Variants in PRKN observed in about 807,000 individuals in gnomAD.
PRKN encodes the protein parkin RBR E3 ubiquitin protein ligase.
Under a neutral mutation model 59.5 loss-of-function variants are expected in PRKN, and 56 were observed. That is an observed-to-expected ratio of 0.94 (90% CI 0.76 to 1.18). PRKN has a LOEUF of 1.18. Ranked by LOEUF, PRKN falls within the 50% of genes most tolerant of loss-of-function variation. The pLI is 0.00. For synonymous variants in PRKN, 250 were observed against 222.1 expected (o/e 1.13, Z -1.12); for missense variants, 657 against 596.4 (o/e 1.10, Z -1.06).
At chr6:162,050,115 T>C (rs980507319) in intron 5 of PRKN, among the ~76,000 whole-genome samples, 2 of 152,216 alleles carry the variant, frequency 1.3e-5, no homozygotes, top group Non-Finnish European at 2.9e-5. Flanking sequence ...ATGCTGAACA[T>C]ATTTTTCCTC....
At chr6:162,584,753 T>C (rs933057675) in intron 1 of PRKN, among the ~76,000 whole-genome samples, 5 of 143,962 alleles carry the variant, frequency 3.5e-5, no homozygotes, top group Non-Finnish European at 7.4e-5. Flanking sequence ...TGGGTTTCTT[T>C]CTTTTCTTTC....
At chr6:162,481,925 T>C (rs1479807249) in intron 1 of PRKN, among the ~76,000 whole-genome samples, 1 of 152,178 alleles carries the variant, frequency 6.6e-6, no homozygotes, top group African/African-American at 2.4e-5. Context: ...ACTGAAATTA[T>C]TATAACATTT....
intron 7 of PRKN, among the ~76,000 whole-genome samples, chr6:161,608,529 C>T (rs1782368910): frequency 6.6e-6 from 1 of 151,500 alleles, no homozygotes; most frequent in Admixed American, 6.6e-5. Context: ...GATAGTCATA[C>T]TATATTTAAT....
chr6:162,235,914 G>GA (rs1778644522), intron 3 of PRKN, among the ~76,000 whole-genome samples: 2 of 115,294 alleles, frequency 1.7e-5, no homozygotes, highest in Non-Finnish European at 3.7e-5. Context: ...AGGAAGGAAG[G>GA]AAGGAAGGAA....
chr6:161,371,913 A>G lies in PRKN; in HGVS notation c.1168-11708T>C, dbSNP rs1785458943. Reference sequence around the variant, plus strand: ...CTCGGCCTCCCAAAGTGCTGGGATTACAGGCATGAGCCACCATGCCTGGCC... The same window carrying G: ...CTCGGCCTCCCAAAGTGCTGGGATTGCAGGCATGAGCCACCATGCCTGGCC... On this transcript the variant is annotated intron_variant, in intron 10 of 11. Coordinates refer to ENST00000366898, the MANE Select transcript of PRKN (RefSeq NM_004562.3). The surrounding 1 kb of genome is among the most constrained non-coding windows in gnomAD (Gnocchi z 5.5). 6.6e-6 allele frequency among the ~76,000 whole-genome samples: 1 copy of G among 152,196 alleles called. No homozygotes were observed. Among genetic ancestry groups the G allele is most frequent in the South Asian group, 2.1e-4 (1 of 4,826 alleles).
At chr6:161,992,453 T>C (rs1360555719) in intron 5 of PRKN, among the ~76,000 whole-genome samples, 1 of 152,202 alleles carries the variant, frequency 6.6e-6, no homozygotes, top group Non-Finnish European at 1.5e-5. Flanking sequence ...AGCACCCAGA[T>C]ATATTTTTTA....
At chr6:162,621,544 G>A (rs6455842) in intron 1 of PRKN, among the ~76,000 whole-genome samples, 35,288 of 152,056 alleles carry the variant, frequency 0.23, 4,876 homozygotes, top group African/African-American at 0.37. Context: ...TCAACCAGCC[G>A]AATCAGACAC....
intron 2 of PRKN, among the ~76,000 whole-genome samples, chr6:162,307,612 A>G (rs1419275645): frequency 6.6e-6 from 1 of 152,060 alleles, no homozygotes; most frequent in Admixed American, 6.6e-5. Flanking sequence ...ATGTAAGGGG[A>G]AAAAAACAGT....
intron 2 of PRKN, among the ~76,000 whole-genome samples, chr6:162,349,138 T>C (rs976935878): frequency 1.3e-5 from 2 of 151,808 alleles, no homozygotes; most frequent in East Asian, 1.9e-4. Flanking sequence ...AGGGTAAAAA[T>C]TACATGAATC....
chr6:162,204,333 A>C (rs1784848052), intron 3 of PRKN, among the ~76,000 whole-genome samples: 1 of 152,192 alleles, frequency 6.6e-6, no homozygotes, highest in South Asian at 2.1e-4. Context: ...TCCCCTGACC[A>C]TACCCCTTCT....
chr6:162,433,314 G>A lies in PRKN; in HGVS notation c.171+9996C>T, dbSNP rs190314616. Among the ~76,000 whole-genome samples the A allele has an allele frequency of 5.8e-4, 88 of 152,220 alleles. 1 individual carries two copies. In the South Asian group the frequency reaches 0.013, roughly 23 times the overall value. On this transcript the variant is annotated intron_variant, in intron 2 of 11. Transcript: ENST00000366898. ...AAAGACTGGAGAGCTTAAATGACTT[G>A]TCCTTCCCAGAGAGTCTGACTTTAG...
At chr6:161,696,480 T>C (rs1021068016) in intron 7 of PRKN, among the ~76,000 whole-genome samples, 6 of 152,224 alleles carry the variant, frequency 3.9e-5, no homozygotes, top group African/African-American at 1.4e-4. Flanking sequence ...AGATGTCCAG[T>C]TGAGGAACGT....
intron 9 of PRKN, among the ~76,000 whole-genome samples, chr6:161,543,143 G>T (rs1304324280): frequency 6.6e-6 from 1 of 151,996 alleles, no homozygotes; most frequent in Non-Finnish European, 1.5e-5. Flanking sequence ...TGAGTAAAAG[G>T]GTAGGTATCA....
chr6:162,120,411 G>C (rs1780861031), intron 4 of PRKN, among the ~76,000 whole-genome samples: 1 of 152,184 alleles, frequency 6.6e-6, no homozygotes, highest in African/African-American at 2.4e-5. Context: ...ATCACAGGTA[G>C]GTATTGCAAG....
chr6:162,726,115 GTTA>G (rs1193150605), intron 1 of PRKN, among the ~76,000 whole-genome samples: 2 of 152,056 alleles, frequency 1.3e-5, no homozygotes, highest in Non-Finnish European at 2.9e-5. Context: ...TCCTAATAAA[GTTA>G]TTTATATAAT....
intron 1 of PRKN, among the ~76,000 whole-genome samples, chr6:162,650,845 G>T (rs1158234938): frequency 6.6e-6 from 1 of 152,144 alleles, no homozygotes; most frequent in East Asian, 1.9e-4. Flanking sequence ...TATTAATTCT[G>T]TGGGAGGAAG....
intron 4 of PRKN, among the ~76,000 whole-genome samples, chr6:162,172,843 T>A (rs572759880): frequency 6.6e-6 from 1 of 152,208 alleles, no homozygotes; most frequent in East Asian, 1.9e-4. Flanking sequence ...GGTATCTCCA[T>A]GAAATCTAAC....
At chr6:161,956,383 A>T (rs1780170173) in intron 6 of PRKN, among the ~76,000 whole-genome samples, 1 of 152,200 alleles carries the variant, frequency 6.6e-6, no homozygotes, top group Admixed American at 6.5e-5. Context: ...AAAACAAGAA[A>T]ATCAGATATG....
At chr6:162,114,679 G>A (rs1780590287) in intron 4 of PRKN, among the ~76,000 whole-genome samples, 1 of 148,658 alleles carries the variant, frequency 6.7e-6, no homozygotes, top group Non-Finnish European at 1.5e-5. Context: ...CAAAAAGTGG[G>A]CGAAGGACAT....
Sources: gnomAD v4.1 joint callset for allele counts (sites outside exome capture counted in the v4.1 genomes callset) on GRCh38, gnomAD v4.1.1 for gene constraint, Gnocchi (gnomAD v3.1) non-coding constraint, MANE v1.5 for transcripts, NCBI Gene and HGNC (gene_info 2026-07-23, HGNC 2026-07-21) for gene names.